Variants in EPHA3 observed in about 807,000 individuals in gnomAD.
EPHA3 encodes ephrin type-A receptor 3.
Under a neutral mutation model 107.1 loss-of-function variants are expected in EPHA3, and 42 were observed. The observed-to-expected ratio is 0.39, with a 90% CI of 0.31 to 0.51. The LOEUF (loss-of-function observed/expected upper bound fraction) is 0.51. EPHA3 is among the 20% of genes least tolerant of loss of function. The pLI is 0.78. For synonymous variants in EPHA3, 461 were observed against 424.8 expected, an observed-to-expected ratio of 1.09 and a Z score of -1.05; for missense variants, 1,183 against 1,211.2, an observed-to-expected ratio of 0.98 and a Z score of 0.35.
At chr3:89,315,424 C>T (rs1191694752) in intron 3 of EPHA3, among the ~76,000 whole-genome samples, 1 of 151,750 alleles carries the variant, frequency 6.6e-6, no homozygotes, top group Non-Finnish European at 1.5e-5. Flanking sequence ...CACTTCAGGG[C>T]ACCTTCAGGG....
At chr3:89,260,074 T>C (rs1705379494) in intron 3 of EPHA3, among the ~76,000 whole-genome samples, 1 of 152,206 alleles carries the variant, frequency 6.6e-6, no homozygotes, top group African/African-American at 2.4e-5. Context: ...TTATCCTTTC[T>C]TCTGTCAACA....
intron 5 of EPHA3, among the ~76,000 whole-genome samples, chr3:89,379,455 T>A (rs1386111168): frequency 6.6e-6 from 1 of 152,156 alleles, no homozygotes; most frequent in Non-Finnish European, 1.5e-5. Flanking sequence ...ATACACACAA[T>A]CTCTTTTTGT....
chr3:89,431,178 A>C lies in EPHA3; in HGVS notation c.2165A>C (p.Gln722Pro). The change falls in exon 13 of 17, where the codon CAG (glutamine) becomes CCG (proline). Residue 722 changes from glutamine to proline, a missense_variant. By Grantham distance (76) the Gln-to-Pro change is moderately conservative. Coordinates refer to ENST00000336596, the MANE Select transcript of EPHA3 (RefSeq NM_005233.6). ...CACGATGCCCAGTTTACTGTCATTC[A>C]GCTAGTGGGGATGCTTCGAGGGATA... ...RKHDAQFTVI[Q>P]LVGMLRGIAS... The C allele has an allele frequency of 6.2e-7, 1 of 1,613,772 alleles. No individual in the cohort carries two copies. Among genetic ancestry groups the C allele is most frequent in the Non-Finnish European group, 8.5e-7 (1 of 1,179,888 alleles).
intron 15 of EPHA3, among the ~76,000 whole-genome samples, chr3:89,466,782 AC>A (rs879624387): frequency 7.3e-6 from 1 of 137,386 alleles, no homozygotes; most frequent in African/African-American, 2.7e-5. Context: ...TGCAGAAATC[AC>A]CGTCTTATGC....
rs543596672 is a variant in EPHA3, at chr3:89,109,917, T to C, written c.88+2081T>C. Among the ~76,000 whole-genome samples, 21 of 152,088 alleles carry C rather than the reference T, an allele frequency of 1.4e-4. No individual in the cohort carries two copies. The South Asian group carries it at 4.1e-3, about 30-fold the overall frequency. ...TGTGAAGGGAAGCTTTAAAACAAAT[T>C]TAAGATGATTTAACTTAGGTAATAC... is the stretch of plus-strand genomic sequence containing the variant. On this transcript the variant is annotated intron_variant, in intron 1 of 16. Transcript: ENST00000336596.
intron 3 of EPHA3, among the ~76,000 whole-genome samples, chr3:89,261,057 G>C (rs1705403124): frequency 1.3e-5 from 2 of 152,132 alleles, no homozygotes; most frequent in South Asian, 4.1e-4. Flanking sequence ...TTCTTACAAT[G>C]CCATTTGATT....
At chr3:89,378,931 G>A (rs1311712967) in intron 5 of EPHA3, among the ~76,000 whole-genome samples, 7 of 152,126 alleles carry the variant, frequency 4.6e-5, no homozygotes, top group Admixed American at 2.0e-4. Flanking sequence ...GCAAAAATAA[G>A]TATTGATGCA....
chr3:89,249,460 T>A lies in EPHA3; in HGVS notation c.814+38940T>A, dbSNP rs546136845. Among the ~76,000 whole-genome samples, 3 of 152,240 alleles carry A rather than the reference T, an allele frequency of 2.0e-5. No individual in the cohort carries two copies. In the East Asian group the frequency reaches 5.8e-4, roughly 29 times the overall value. On this transcript the variant is annotated intron_variant, in intron 3 of 16. Transcript: ENST00000336596. Reference sequence around the variant, plus strand: ...TTTAGATTTATTTTTTATTTTTTATTAGTATTAGTAGTGATTTTGAGACAG... The same window carrying A: ...TTTAGATTTATTTTTTATTTTTTATAAGTATTAGTAGTGATTTTGAGACAG...
At chr3:89,141,663 T>G (rs1704434457) in intron 2 of EPHA3, among the ~76,000 whole-genome samples, 1 of 151,600 alleles carries the variant, frequency 6.6e-6, no homozygotes, top group South Asian at 2.1e-4. Context: ...TAAATTTAAA[T>G]GGCTTGGTAT....
chr3:89,109,639 G>T (rs2106936525), intron 1 of EPHA3, among the ~76,000 whole-genome samples: 1 of 152,004 alleles, frequency 6.6e-6, no homozygotes, highest in South Asian at 2.1e-4. Context: ...AAATTAATCA[G>T]TATTAATTTA....
chr3:89,234,296 CCAAA>C (rs1381492167), intron 3 of EPHA3, among the ~76,000 whole-genome samples: 1 of 152,142 alleles, frequency 6.6e-6, no homozygotes, highest in Non-Finnish European at 1.5e-5. Flanking sequence ...TTTACTGGAA[CCAAA>C]CATTCTGGTG....
At chr3:89,299,157 G>T (rs992853617) in intron 3 of EPHA3, among the ~76,000 whole-genome samples, 33 of 152,064 alleles carry the variant, frequency 2.2e-4, no homozygotes, top group African/African-American at 7.5e-4. Flanking sequence ...AAAATTTTTG[G>T]CATTCATTTG....
intron 3 of EPHA3, among the ~76,000 whole-genome samples, chr3:89,295,146 A>G (rs767738085): frequency 1.4e-5 from 2 of 140,574 alleles, no homozygotes; most frequent in African/African-American, 2.8e-5. Flanking sequence ...AGTCACACAA[A>G]TGTTTTGCTC....
chr3:89,319,449 A>G (rs1706989300), intron 3 of EPHA3, among the ~76,000 whole-genome samples: 1 of 151,998 alleles, frequency 6.6e-6, no homozygotes, highest in Non-Finnish European at 1.5e-5. Context: ...CTGAATTTAC[A>G]GTGTAATAGG....
At position 89,482,030 on chromosome 3, in the gene EPHA3, A is replaced by T. The variant is rs1710628772; in HGVS notation, c.*2528A>T. ...GTCTTTTCAAAATATTACTCAGTTT[A>T]TGTTGTACAATGTAGATGGCCTCTT... On this transcript the variant is annotated 3_prime_UTR_variant, in exon 17 of 17. Coordinates refer to ENST00000336596, the MANE Select transcript of EPHA3 (RefSeq NM_005233.6). 4.5e-6 allele frequency: 1 copy of T among 221,588 alleles called. No homozygotes were observed. Among genetic ancestry groups the T allele is most frequent in the Non-Finnish European group, 9.1e-6 (1 of 110,434 alleles). 13.7% of individuals were successfully genotyped at this position (221,588 alleles called of 1,614,324 possible).
intron 5 of EPHA3, among the ~76,000 whole-genome samples, chr3:89,394,557 C>G (rs775705676): frequency 6.6e-6 from 1 of 152,050 alleles, no homozygotes; most frequent in Non-Finnish European, 1.5e-5. Context: ...TGAAGTGGCA[C>G]AAGGCAAGCA....
At position 89,142,287 on chromosome 3, in the gene EPHA3, G is replaced by T. The variant is rs1460008121; in HGVS notation, c.153+15014G>T. Among the ~76,000 whole-genome samples, 6 of 151,376 alleles carry T rather than the reference G, an allele frequency of 4.0e-5. No individual in the cohort carries two copies. The East Asian group carries it at 1.2e-3, about 30-fold the overall frequency. ...TAGATACAACATTTGTAGAAATTAT[G>T]ATTCTTAATAGAAACTTTGGTCTAT... On this transcript the variant is annotated intron_variant, in intron 2 of 16. Transcript: ENST00000336596.
chr3:89,291,390 A>G (rs1706203343), intron 3 of EPHA3, among the ~76,000 whole-genome samples: 1 of 152,184 alleles, frequency 6.6e-6, no homozygotes, highest in South Asian at 2.1e-4. Context: ...TGCAGTATAC[A>G]AAATTTTCAG....
chr3:89,442,668 G>A (rs1292369979), intron 13 of EPHA3, among the ~76,000 whole-genome samples: 3 of 152,136 alleles, frequency 2.0e-5, no homozygotes, highest in African/African-American at 7.2e-5. Context: ...GCAAAGAATG[G>A]GAGTGGGGAT....
Sources: gnomAD v4.1 joint callset for allele counts (sites outside exome capture counted in the v4.1 genomes callset) on GRCh38, gnomAD v4.1.1 for gene constraint, MANE v1.5 for transcripts, NCBI Gene and HGNC (gene_info 2026-07-23, HGNC 2026-07-21) for gene names.